Variants in HOXA3 observed in about 807,000 individuals in gnomAD.
The protein encoded by HOXA3 is homeobox A3.
HOXA3 carries 8 observed loss-of-function variants against 30.3 expected under a neutral mutation model. The ratio of observed to expected loss-of-function variants is 0.26; its 90% confidence interval spans 0.15 to 0.48. The LOEUF is 0.48. Ranked by LOEUF, HOXA3 falls within the 20% of genes least tolerant of loss-of-function variation. HOXA3 has a pLI of 0.99. For synonymous variants in HOXA3, 323 were observed against 273.1 expected, an observed-to-expected ratio of 1.18 and a Z score of -1.80; for missense variants, 653 against 614.4, an observed-to-expected ratio of 1.06 and a Z score of -0.66.
chr7:27,152,471 G>GCCTGC lies in HOXA3; in HGVS notation c.-678_-677insGCAGG. 1 of 1,164,406 alleles carries GCCTGC rather than the reference G, an allele frequency of 8.6e-7. No homozygotes were observed. Among genetic ancestry groups the GCCTGC allele is most frequent in the Non-Finnish European group, 1.1e-6 (1 of 927,714 alleles). 72.1% of individuals were successfully genotyped at this position (1,164,406 alleles called of 1,614,324 possible). A position where few individuals can be genotyped will look rare whatever the true frequency, so the allele number is the denominator to read the frequency against. On this transcript the variant is annotated 5_prime_UTR_variant, in exon 1 of 6. It removes the in-frame stop codon of an upstream open reading frame in the 5' UTR. Transcript: ENST00000612286. ...CCCAATCTCCAGCGGGAGCCGCCAG[G>GCCTGC]CCTGGCCTGGCCGGGGCTTCCCTTC...
In HOXA3 at chr7:27,113,041, C is replaced by A. The variant is rs954117279; in HGVS notation, c.-120-2281G>T. 2.0e-5 allele frequency among the ~76,000 whole-genome samples: 3 copies of A among 152,190 alleles called. No homozygotes were observed. The highest frequency in any genetic ancestry group is 7.2e-5 in the African/African-American group (3 of 41,448). ...CCACCTTGGAGCTCATACATCCCCC[C>A]ACCCCAACCCAGCCCCCAAAGTTTG... On this transcript the variant is annotated intron_variant, in intron 4 of 5. Coordinates refer to ENST00000612286, the MANE Select transcript of HOXA3 (RefSeq NM_153631.3). This position sits in a 1 kb window ranked among gnomAD's most constrained non-coding sequence, Gnocchi z 4.8.
chr7:27,129,992 C>T (rs1213402107), intron 2 of HOXA3: 4 of 1,141,322 alleles, frequency 3.5e-6, no homozygotes, highest in Non-Finnish European at 5.0e-6. Flanking sequence ...CTCACCGCAG[C>T]CCGGGTCAGA....
chr7:27,135,141 C>G (rs1040335823), intron 2 of HOXA3, among the ~76,000 whole-genome samples: 2 of 151,842 alleles, frequency 1.3e-5, no homozygotes, highest in African/African-American at 4.8e-5. Flanking sequence ...CTTTTCTGCT[C>G]TCCCACCCTT....
intron 2 of HOXA3, among the ~76,000 whole-genome samples, chr7:27,135,588 T>C (rs1434500384): frequency 1.3e-5 from 2 of 152,210 alleles, no homozygotes; most frequent in African/African-American, 4.8e-5. Flanking sequence ...AAAGATTATA[T>C]TTTGCAAGAA....
At position 27,118,141 on chromosome 7, in the gene HOXA3, A is replaced by T. The variant is rs535321621; in HGVS notation, c.-121+4418T>A. 8.2e-4 allele frequency among the ~76,000 whole-genome samples: 125 copies of T among 152,316 alleles called. 1 individual carries two copies. The highest frequency in any genetic ancestry group is 3.4e-3 in the Middle Eastern group (1 of 292). ...CACTCTAGATATGAACAATCGGCGG[A>T]AATACCTTAAAATAAATTCCATCCT... On this transcript the variant is annotated intron_variant, in intron 4 of 5. Transcript: ENST00000612286.
rs1783012748 is a variant in HOXA3 at position 27,152,532 on chromosome 7, G to T, written c.-738C>A. On this transcript the variant is annotated 5_prime_UTR_variant, in exon 1 of 6. Transcript: ENST00000612286. ...TCCGGACAAAGCACAGCCGAGCCCG[G>T]CTGGAAGGCAGAGCTCCGAAGCAGG... is the stretch of plus-strand genomic sequence containing the variant. 4 of 1,180,064 alleles carry T rather than the reference G, an allele frequency of 3.4e-6. No individual in the cohort carries two copies. The East Asian group carries it at 2.5e-4, about 74-fold the overall frequency. 73.1% of individuals were successfully genotyped at this position (1,180,064 alleles called of 1,614,324 possible).
chr7:27,135,718 G>A (rs1019855813), intron 2 of HOXA3, among the ~76,000 whole-genome samples: 1 of 152,122 alleles, frequency 6.6e-6, no homozygotes, highest in Non-Finnish European at 1.5e-5. Context: ...GCACCATTCT[G>A]TTGCCTTTGA....
Position 27,110,411 on chromosome 7 carries a change from G to A in HOXA3, c.230C>T (p.Ala77Val), listed in dbSNP as rs750106752. The A allele has an allele frequency of 1.3e-6, 2 of 1,539,230 alleles. No individual in the cohort carries two copies. Among genetic ancestry groups the A allele is most frequent in the Non-Finnish European group, 1.7e-6 (2 of 1,145,438 alleles). ...LSEACLRTLS[A>V]PPSQPPSLGE... ...CAGGCTTGGAGGCTGGCTAGGTGGG[G>A]CGCTCAGGGTGCGCAGGCACGCCTC... Residue 77 changes from alanine (A) to valine (V), a missense_variant, in exon 5 of 6, where the codon GCC becomes GTC. By Grantham distance (64) the Ala-to-Val change is moderately conservative. This residue lies in a region of HOXA3 where 320 missense variants were observed against 321.9 expected (regional missense o/e 0.99). Transcript: ENST00000612286.
chr7:27,152,334 G>T lies in HOXA3; in HGVS notation c.-540C>A, dbSNP rs573985750. The T allele has an allele frequency of 9.0e-5, 113 of 1,258,294 alleles. 1 individual carries two copies. The highest frequency in any genetic ancestry group is 3.7e-4 in the Admixed American group (14 of 37,684). 77.9% of individuals were successfully genotyped at this position (1,258,294 alleles called of 1,614,324 possible). ...AGCTCCTGCCCCTCTGACAGCTGTCGCTTGGGCAGCCCGAGAGAAGAATTG... is the reference window on the plus strand; with the variant it reads ...AGCTCCTGCCCCTCTGACAGCTGTCTCTTGGGCAGCCCGAGAGAAGAATTG... On this transcript the variant is annotated 5_prime_UTR_variant, in exon 1 of 6. Transcript: ENST00000612286.
intron 1 of HOXA3, among the ~76,000 whole-genome samples, chr7:27,146,434 A>G (rs1308705865): frequency 1.3e-5 from 2 of 152,164 alleles, no homozygotes; most frequent in Non-Finnish European, 2.9e-5. Context: ...ATTCTCCCAA[A>G]TTATATGACC....
At chr7:27,127,120 TG>T (rs949745171) in intron 2 of HOXA3, 50 bp from the exon 3 acceptor site, 4 of 152,228 alleles carry the variant, frequency 2.6e-5, no homozygotes, top group Non-Finnish European at 4.4e-5. Context: ...TAATGATTCC[TG>T]GGAAAATTGC....
At chr7:27,122,203 C>CGCCCGT (rs879286182) in intron 4 of HOXA3, 1 of 152,264 alleles carries the variant, frequency 6.6e-6, no homozygotes, top group Non-Finnish European at 1.5e-5. Context: ...GCGGCCGCCG[C>CGCCCGT]GCCCGTGCCC....
At chr7:27,131,100 C>G (rs1252209692) in intron 2 of HOXA3, among the ~76,000 whole-genome samples, 3 of 152,132 alleles carry the variant, frequency 2.0e-5, no homozygotes, top group Non-Finnish European at 4.4e-5. Flanking sequence ...TTGGTTCCCG[C>G]TGGGAATTCA....
chr7:27,112,477 T>TA (rs1784433297), intron 4 of HOXA3, among the ~76,000 whole-genome samples: 1 of 152,224 alleles, frequency 6.6e-6, no homozygotes, highest in African/African-American at 2.4e-5. Context: ...GAACCTCGAT[T>TA]AAAAATTACA....
chr7:27,141,843 G>C, intron 1 of HOXA3: 1 of 1,613,898 alleles, frequency 6.2e-7, no homozygotes, highest in Non-Finnish European at 8.5e-7. Context: ...ACTCAGGGAC[G>C]GAAGGCCCCT....
At chr7:27,118,334 C>T (rs1377303863) in intron 4 of HOXA3, among the ~76,000 whole-genome samples, 1 of 152,164 alleles carries the variant, frequency 6.6e-6, no homozygotes, top group Non-Finnish European at 1.5e-5. Flanking sequence ...ATCTAGAAAA[C>T]GTAATCACAG....
rs1782729018 is a variant in HOXA3, at chr7:27,145,589, G to C, written c.-493-5403C>G. On this transcript the variant is annotated intron_variant, in intron 1 of 5. Transcript: ENST00000612286. ...GGGAGCAGGCGGGGAGAAAAGTTGG[G>C]GAACAGGCGAGGGCAAGGGGGCAAA... 44 of 1,546,780 alleles carry C rather than the reference G, an allele frequency of 2.8e-5. No individual in the cohort carries two copies. The South Asian group carries it at 5.3e-4, about 19-fold the overall frequency.
Position 27,126,878 on chromosome 7 carries a change from G to C in HOXA3, c.-205+8C>G, listed in dbSNP as rs547712173. Reference sequence around the variant, plus strand: ...CTTTTCCCACAAAGGAGAAATATAAGAATTTACCTTAAATGATGATAGTCT... The same window carrying C: ...CTTTTCCCACAAAGGAGAAATATAACAATTTACCTTAAATGATGATAGTCT... On this transcript the variant is annotated splice_region_variant and intron_variant, in intron 3 of 5. Coordinates refer to ENST00000612286, the MANE Select transcript of HOXA3 (RefSeq NM_153631.3). The C allele has an allele frequency of 6.6e-6, 1 of 151,698 alleles. No individual in the cohort carries two copies. Among genetic ancestry groups the C allele is most frequent in the African/African-American group, 2.4e-5 (1 of 41,266 alleles). The allele number at this position is 151,698 out of a possible 1,614,324, so 9.4% of individuals were successfully genotyped here.
intron 1 of HOXA3, among the ~76,000 whole-genome samples, chr7:27,149,366 G>C (rs1373787496): frequency 6.6e-6 from 1 of 152,258 alleles, no homozygotes. Flanking sequence ...CCTGGCCAAT[G>C]CAGGCTCACC....
Sources: allele counts gnomAD v4.1 joint callset (sites outside exome capture counted in the v4.1 genomes callset), GRCh38; gene constraint gnomAD v4.1.1; regional missense constraint gnomAD v4.1.1; non-coding constraint Gnocchi (gnomAD v3.1); transcripts MANE v1.5; gene names NCBI Gene and HGNC (gene_info 2026-07-23, HGNC 2026-07-21).